Variants in NEIL2 observed in about 807,000 individuals in gnomAD.
NEIL2 encodes the protein nei like DNA glycosylase 2, also known as endonuclease 8-like 2.
NEIL2 carries 23 observed loss-of-function variants against 22.2 expected under a neutral mutation model. The observed-to-expected ratio is 1.04, with a 90% CI of 0.75 to 1.47. The LOEUF is 1.47. NEIL2 is among the 40% of genes most tolerant of loss of function. The pLI is 0.00. For missense variants in NEIL2, 583 were observed against 404.7 expected, an observed-to-expected ratio of 1.44 and a Z score of -3.78; for synonymous variants, 229 against 164.8, an observed-to-expected ratio of 1.39 and a Z score of -2.99.
At chr8:11,783,151 C>G in intron 3 of NEIL2, 52 bp from the exon 4 acceptor site, 5 of 1,526,112 alleles carry the variant, frequency 3.3e-6, no homozygotes, top group African/African-American at 1.4e-5. Context: ...AGGGTGTGCT[C>G]TGACTATACT....
intron 3 of NEIL2, chr8:11,782,893 A>T (rs892751470): frequency 2.4e-6 from 1 of 418,664 alleles, no homozygotes; most frequent in Admixed American, 3.7e-5. Flanking sequence ...AGTGTGCTCT[A>T]TGTTGTGGTA....
chr8:11,774,862 C>T lies in NEIL2; in HGVS notation c.138+3277C>T, dbSNP rs371876513. On this transcript the variant is annotated intron_variant, in intron 2 of 4. Coordinates refer to ENST00000284503, the MANE Select transcript of NEIL2 (RefSeq NM_145043.4). ...CAAAATGATCTTTGACTCCATGTCT[C>T]TCATCCAGGGCACGCTGATGCAAGA... Among the ~76,000 whole-genome samples the T allele has an allele frequency of 3.3e-5, 5 of 152,374 alleles. No homozygotes were observed. In the East Asian group the frequency reaches 9.6e-4, roughly 29 times the overall value.
chr8:11,785,900 T>C, intron 4 of NEIL2, 63 bp from the exon 5 acceptor site: 1 of 1,465,276 alleles, frequency 6.8e-7, no homozygotes, highest in Non-Finnish European at 9.6e-7. Context: ...GTTAACTTTG[T>C]GGGTGGTTTC....
At chr8:11,776,757 G>T (rs952758079) in intron 2 of NEIL2, among the ~76,000 whole-genome samples, 2 of 152,154 alleles carry the variant, frequency 1.3e-5, no homozygotes, top group Non-Finnish European at 2.9e-5. Flanking sequence ...TAGGTCCCCT[G>T]GGTTCTCTCT....
intron 2 of NEIL2, 99 bp from the exon 3 acceptor site, chr8:11,779,499 G>T: frequency 1.0e-6 from 1 of 985,026 alleles, no homozygotes; most frequent in Non-Finnish European, 1.6e-6. Context: ...CCCCCCAGGA[G>T]GGGTGAGAAG....
chr8:11,781,369 C>G (rs1874546), intron 3 of NEIL2, among the ~76,000 whole-genome samples: 32,975 of 152,122 alleles, frequency 0.22, 4,024 homozygotes, highest in East Asian at 0.47. Context: ...CATTGGTTTT[C>G]TCCTTAGACC....
At chr8:11,770,425 G>A (rs958219166) in intron 1 of NEIL2, 90 bp downstream of exon 1, 4 of 152,168 alleles carry the variant, frequency 2.6e-5, no homozygotes, top group Non-Finnish European at 5.9e-5. Context: ...AGGGGAAATA[G>A]TACATCTCAG....
rs889840627 is a variant in NEIL2 at position 11,779,673 on chromosome 8, G to C, written c.214G>C (p.Glu72Gln). The change falls in exon 3 of 5, where the codon GAG (glutamate) becomes CAG (glutamine). Residue 72 changes from glutamate (E) to glutamine (Q), a missense_variant. By Grantham distance (29) the Glu-to-Gln change is conservative. Transcript: ENST00000284503. ...GCCCCCTGGCAGCAGCCCAACACCA[G>C]AGCCTCCACAAAAAGAAGTGCAGAA... is the stretch of plus-strand genomic sequence containing the variant. ...MGPPGSSPTP[E>Q]PPQKEVQKEG... The C allele has an allele frequency of 6.2e-7, 1 of 1,613,886 alleles. No homozygotes were observed. Among genetic ancestry groups the C allele is most frequent in the Non-Finnish European group, 8.5e-7 (1 of 1,179,966 alleles).
At chr8:11,775,025 A>T (rs974215441) in intron 2 of NEIL2, among the ~76,000 whole-genome samples, 3 of 152,198 alleles carry the variant, frequency 2.0e-5, no homozygotes, top group Non-Finnish European at 4.4e-5. Flanking sequence ...CAGTAGATCT[A>T]CCATTCTGGG....
At chr8:11,778,669 G>A (rs1804115881) in intron 2 of NEIL2, among the ~76,000 whole-genome samples, 1 of 151,856 alleles carries the variant, frequency 6.6e-6, no homozygotes, top group Non-Finnish European at 1.5e-5. Flanking sequence ...TCAAAGCAAG[G>A]GCCCAGGCAT....
intron 4 of NEIL2, among the ~76,000 whole-genome samples, chr8:11,785,715 G>A (rs1289549452): frequency 1.3e-5 from 2 of 152,140 alleles, no homozygotes; most frequent in African/African-American, 2.4e-5. Flanking sequence ...TCAGATGCCC[G>A]ATCCGTTTTT....
At chr8:11,772,204 A>G (rs564029929) in intron 2 of NEIL2, among the ~76,000 whole-genome samples, 10 of 151,898 alleles carry the variant, frequency 6.6e-5, no homozygotes, top group Non-Finnish European at 1.2e-4. Context: ...CTCCGTCTCA[A>G]AAAAAAGAAA....
intron 3 of NEIL2, among the ~76,000 whole-genome samples, chr8:11,781,767 T>C (rs933401054): frequency 6.6e-6 from 1 of 152,236 alleles, no homozygotes; most frequent in Non-Finnish European, 1.5e-5. Context: ...AAATAAATAC[T>C]ATTAGCTTGC....
intron 2 of NEIL2, among the ~76,000 whole-genome samples, chr8:11,778,813 G>T (rs932447711): frequency 2.0e-5 from 3 of 151,780 alleles, no homozygotes; most frequent in Non-Finnish European, 4.4e-5. Context: ...TTAGCTGGGG[G>T]TGGTGGTGTG....
intron 2 of NEIL2, among the ~76,000 whole-genome samples, chr8:11,774,110 T>A (rs1204970279): frequency 1.3e-5 from 2 of 152,170 alleles, no homozygotes; most frequent in Non-Finnish European, 2.9e-5. Context: ...GTGCAGTGGC[T>A]CATGCCTGTA....
chr8:11,774,853 T>C (rs1051021434), intron 2 of NEIL2, among the ~76,000 whole-genome samples: 1 of 152,236 alleles, frequency 6.6e-6, no homozygotes, highest in African/African-American at 2.4e-5. Context: ...GATCTTTGAC[T>C]CCATGTCTCT....
At chr8:11,772,757 G>T (rs549933656) in intron 2 of NEIL2, among the ~76,000 whole-genome samples, 178 of 152,324 alleles carry the variant, frequency 1.2e-3, no homozygotes, top group African/African-American at 3.8e-3. Flanking sequence ...CTGCTTAGCC[G>T]TGTGCTCTTA....
chr8:11,777,496 C>T (rs1415632233), intron 2 of NEIL2, among the ~76,000 whole-genome samples: 1 of 152,128 alleles, frequency 6.6e-6, no homozygotes, highest in Non-Finnish European at 1.5e-5. Flanking sequence ...TTTATCTCCC[C>T]AAGCTGAGAC....
chr8:11,779,489 C>A, intron 2 of NEIL2, 109 bp from the exon 3 acceptor site: 2 of 909,788 alleles, frequency 2.2e-6, no homozygotes, highest in Non-Finnish European at 3.6e-6. Context: ...TTTGGGAAGG[C>A]CCCCCAGGAG....
Sources: allele counts gnomAD v4.1 joint callset (sites outside exome capture counted in the v4.1 genomes callset), GRCh38; gene constraint gnomAD v4.1.1; transcripts MANE v1.5; gene names NCBI Gene and HGNC (gene_info 2026-07-23, HGNC 2026-07-21).